NDC80: variants seen among roughly 807,000 people sequenced by gnomAD.
The protein encoded by NDC80 is NDC80 kinetochore complex component.
In NDC80, 69 loss-of-function variants were observed where a neutral mutation model predicts 89.3. That is an observed-to-expected ratio of 0.77 (90% CI 0.64 to 0.94). The LOEUF is 0.94. Among genes scored for constraint, NDC80 ranks in the 40% least tolerant of loss-of-function variants. The pLI is 0.00. For missense variants in NDC80, 593 were observed against 739.6 expected (o/e 0.80, Z 2.30); for synonymous variants, 243 against 255.6 (o/e 0.95, Z 0.47).
At chr18:2,609,029 A>G (rs1005073662) in intron 15 of NDC80, among the ~76,000 whole-genome samples, 199 bp downstream of exon 15, 1 of 152,202 alleles carries the variant, frequency 6.6e-6, no homozygotes, top group Non-Finnish European at 1.5e-5. Context: ...TGTTAGTATT[A>G]GAGTTACTGT....
chr18:2,616,592 T>C lies in NDC80; in HGVS notation c.*18T>C, dbSNP rs764736063. The C allele has an allele frequency of 7.6e-7, 1 of 1,313,298 alleles. No homozygotes were observed. The highest frequency in any genetic ancestry group is 1.6e-5 in the South Asian group (1 of 62,596). 81.4% of individuals were successfully genotyped at this position (1,313,298 alleles called of 1,614,324 possible). On this transcript the variant is annotated 3_prime_UTR_variant, in exon 17 of 17. Transcript: ENST00000261597. The stretch of plus-strand genomic sequence containing the variant: ...AAGAATGAAGATAAAATGTTGATCA[T>C]GTATATATATCCATAGTGAATAAAA...
At chr18:2,613,464 GA>G (rs756607206) in intron 16 of NDC80, among the ~76,000 whole-genome samples, 2 of 152,172 alleles carry the variant, frequency 1.3e-5, no homozygotes, top group Non-Finnish European at 2.9e-5. Flanking sequence ...TAAGAGTACA[GA>G]AATAGATGCA....
rs114894195 is a variant in NDC80, at chr18:2,583,558, A to T, written c.580-1555A>T. On this transcript the variant is annotated intron_variant, in intron 6 of 16. Transcript: ENST00000261597. ...TCTACTAAAAATGCAAAAATTAGGC[A>T]TAGTGACAGGTACCTGTAATCCCAG... is the stretch of plus-strand genomic sequence containing the variant. 6.9e-3 allele frequency among the ~76,000 whole-genome samples: 1,045 copies of T among 152,030 alleles called. 17 individuals are homozygous for T. The highest frequency in any genetic ancestry group is 0.024 in the African/African-American group (990 of 41,488).
At chr18:2,581,335 A>G (rs1435424435) in intron 6 of NDC80, among the ~76,000 whole-genome samples, 1 of 152,136 alleles carries the variant, frequency 6.6e-6, no homozygotes, top group Non-Finnish European at 1.5e-5. Flanking sequence ...TTTTTAAATA[A>G]TTCACTCATG....
intron 3 of NDC80, among the ~76,000 whole-genome samples, chr18:2,575,368 G>A (rs996026662): frequency 6.6e-6 from 1 of 152,178 alleles, no homozygotes; most frequent in African/African-American, 2.4e-5. Flanking sequence ...TGGTGGCCAT[G>A]CCTGTAATCC....
chr18:2,610,766 C>T lies in NDC80; in HGVS notation c.1696C>T (p.Leu566=), dbSNP rs190623140. The part of the protein sequence containing the change: ...ELDAVQREYQ[L]VVQTTTEERR... ...AGAGTTTTTGTTCTACAGATACCAACTAGTTGTGCAAACCACGACTGAAGA... is the reference window on the plus strand; with the variant it reads ...AGAGTTTTTGTTCTACAGATACCAATTAGTTGTGCAAACCACGACTGAAGA... The change falls in exon 16 of 17, where the codon CTA becomes TTA. Residue 566 remains leucine, a synonymous_variant. Transcript: ENST00000261597. 15 of 1,586,396 alleles carry T rather than the reference C, an allele frequency of 9.5e-6. No individual in the cohort carries two copies. In the African/African-American group the frequency reaches 1.2e-4, roughly 13 times the overall value.
intron 13 of NDC80, among the ~76,000 whole-genome samples, chr18:2,601,830 G>A (rs2072685861): frequency 6.6e-6 from 1 of 152,086 alleles, no homozygotes; most frequent in African/African-American, 2.4e-5. Flanking sequence ...TACGGCGTTA[G>A]AAGCTAATTA....
At chr18:2,600,990 C>G (rs980233460) in intron 12 of NDC80, among the ~76,000 whole-genome samples, 1 of 151,986 alleles carries the variant, frequency 6.6e-6, no homozygotes, top group Non-Finnish European at 1.5e-5. Flanking sequence ...GAAATACAGG[C>G]AGAGAATCCT....
intron 3 of NDC80, among the ~76,000 whole-genome samples, chr18:2,576,527 AT>A (rs1472415510): frequency 1.3e-5 from 2 of 152,222 alleles, no homozygotes; most frequent in Non-Finnish European, 2.9e-5. Context: ...AAAAGAGCAA[AT>A]AACATCTTAG....
intron 10 of NDC80, 109 bp from the exon 11 acceptor site, chr18:2,595,306 CA>C (rs2072649081): frequency 4.6e-6 from 2 of 434,384 alleles, no homozygotes; most frequent in Non-Finnish European, 8.4e-6. Flanking sequence ...TATATATACA[CA>C]CATATATATG....
At chr18:2,572,655 G>A (rs1298266111) in intron 1 of NDC80, among the ~76,000 whole-genome samples, 1 of 152,176 alleles carries the variant, frequency 6.6e-6, no homozygotes, top group African/African-American at 2.4e-5. Flanking sequence ...CAGGGCTTTA[G>A]CTACCACGGA....
chr18:2,614,402 A>C (rs1230475351), intron 16 of NDC80: 2 of 190,986 alleles, frequency 1.0e-5, no homozygotes, highest in Non-Finnish European at 2.1e-5. Flanking sequence ...GCACCACTGC[A>C]CTCCAGCCTG....
intron 9 of NDC80, among the ~76,000 whole-genome samples, chr18:2,589,513 A>C (rs1049734180): frequency 6.6e-6 from 1 of 152,214 alleles, no homozygotes; most frequent in African/African-American, 2.4e-5. Flanking sequence ...TATCAGTCTT[A>C]GACTAATGGT....
At chr18:2,577,892 A>ACTGT in intron 4 of NDC80, 23 bp downstream of exon 4, 2 of 1,611,660 alleles carry the variant, frequency 1.2e-6, no homozygotes, top group Non-Finnish European at 1.7e-6. Context: ...TTTAATCTAA[A>ACTGT]CTGTGATTGT....
chr18:2,598,876 A>T lies in NDC80; in HGVS notation c.1222-143A>T, dbSNP rs187674310. ...CTTCTTTGTATATTTTAAAACTGCT[A>T]CTCTTACTGCTAAAGATTACTGAAT... On this transcript the variant is annotated intron_variant, in intron 11 of 16. Coordinates refer to ENST00000261597, the MANE Select transcript of NDC80 (RefSeq NM_006101.3). 10 of 738,374 alleles carry T rather than the reference A, an allele frequency of 1.4e-5. No homozygotes were observed. In the Admixed American group the frequency reaches 2.0e-4, roughly 15 times the overall value. The allele number at this position is 738,374 out of a possible 1,614,324, so 45.7% of individuals were successfully genotyped here.
Position 2,595,610 on chromosome 18 carries a change from G to A in NDC80, c.1210G>A (p.Gly404Ser), listed in dbSNP as rs1187406602. The change falls in exon 11 of 17, where the codon GGC (glycine) becomes AGC (serine). Residue 404 changes from glycine (G) to serine (S), a missense_variant. Gly to Ser is a moderately conservative substitution (Grantham distance 56). Coordinates refer to ENST00000261597, the MANE Select transcript of NDC80 (RefSeq NM_006101.3). ...GAATGAGGAGTTAAAATATGCCAGA[G>A]GCAAAGAAGCGGTATGTCATACCAT... ...LWNEELKYARGKEAIETQLAE... is the reference protein window; with the variant it reads ...LWNEELKYARSKEAIETQLAE... 2.5e-6 allele frequency: 4 copies of A among 1,612,912 alleles called. No homozygotes were observed. Among genetic ancestry groups the A allele is most frequent in the Non-Finnish European group, 2.5e-6 (3 of 1,179,382 alleles).
At chr18:2,611,004 G>C in intron 16 of NDC80, 143 bp downstream of exon 16, 1 of 396,986 alleles carries the variant, frequency 2.5e-6, no homozygotes, top group East Asian at 4.5e-5. Flanking sequence ...GAAGAATCTT[G>C]TCTAGTGATG....
chr18:2,586,424 A>G (rs1290560766), intron 7 of NDC80, among the ~76,000 whole-genome samples: 1 of 152,156 alleles, frequency 6.6e-6, no homozygotes, highest in Non-Finnish European at 1.5e-5. Context: ...GTACATTACA[A>G]CATCTATTAA....
At chr18:2,612,002 T>TC (rs1156807926) in intron 16 of NDC80, among the ~76,000 whole-genome samples, 1 of 152,022 alleles carries the variant, frequency 6.6e-6, no homozygotes, top group Non-Finnish European at 1.5e-5. Flanking sequence ...CCTTGCCTGA[T>TC]CCTTTTCAGC....
Sources: gnomAD v4.1 joint callset for allele counts (sites outside exome capture counted in the v4.1 genomes callset) on GRCh38, gnomAD v4.1.1 for gene constraint, MANE v1.5 for transcripts, NCBI Gene and HGNC (gene_info 2026-07-23, HGNC 2026-07-21) for gene names.